Variants in THBD observed in about 807,000 individuals in gnomAD.
THBD encodes the protein thrombomodulin, also known as CD141 antigen.
For missense variants in THBD, 850 were observed against 816.9 expected, an observed-to-expected ratio of 1.04 and a Z score of -0.49; for synonymous variants, 449 against 374.2, an observed-to-expected ratio of 1.20 and a Z score of -2.31.
rs779296339 is a variant in THBD at position 23,048,650 on chromosome 20, C to A, written c.855G>T (p.Thr285=). 1.4e-5 allele frequency: 22 copies of A among 1,593,710 alleles called. No individual in the cohort carries two copies. Among genetic ancestry groups the A allele is most frequent in the Non-Finnish European group, 1.7e-5 (20 of 1,177,384 alleles). Residue 285 remains threonine, a synonymous_variant, in exon 1 of 1, where the codon ACG becomes ACT. Coordinates refer to ENST00000377103, the MANE Select transcript of THBD (RefSeq NM_000361.3). ...GCTCGCAGAGGTCGTTGCAGGACTG[C>A]GTCGCGGATGCGGTGCAGGAGCGCC... ...ADGRSCTASA[T]QSCNDLCEHF... is the part of the protein sequence containing the mutation.
chr20:23,047,767 C>A lies in THBD; in HGVS notation c.*10G>T. The A allele has an allele frequency of 2.5e-6, 4 of 1,571,722 alleles. No homozygotes were observed. The highest frequency in any genetic ancestry group is 3.4e-6 in the Non-Finnish European group (4 of 1,160,286). Reference sequence around the variant, plus strand: ...TCCTGGACGGAGCCAGGCTCCTGGACGGAGGCCGCTCAGAGTCTCTGCGGC... The same window carrying A: ...TCCTGGACGGAGCCAGGCTCCTGGAAGGAGGCCGCTCAGAGTCTCTGCGGC... On this transcript the variant is annotated 3_prime_UTR_variant, in exon 1 of 1. Transcript: ENST00000377103.
chr20:23,048,334 C>G lies in THBD; in HGVS notation c.1171G>C (p.Ala391Pro). ...TGGGGAATGGGCGCGAAGCCCTCGG[C>G]GCAGACGCAGAGGTAGCTAGTTTGG... ...LNQTSYLCVC[A>P]EGFAPIPHEP... The change falls in exon 1 of 1, where the codon GCC (alanine) becomes CCC (proline). Residue 391 changes from alanine (A) to proline (P), a missense_variant. Ala to Pro is a conservative substitution (Grantham distance 27). Transcript: ENST00000377103. 2.5e-6 allele frequency: 4 copies of G among 1,613,898 alleles called. No individual in the cohort carries two copies. Among genetic ancestry groups the G allele is most frequent in the Non-Finnish European group, 3.4e-6 (4 of 1,180,042 alleles).
At position 23,046,088 on chromosome 20, in the gene THBD, G is replaced by A. The variant is rs886056540; in HGVS notation, c.*1689C>T. On this transcript the variant is annotated 3_prime_UTR_variant, in exon 1 of 1. Transcript: ENST00000377103. ...TTATCTCCAATAAATAAATAACTAT[G>A]TACAAATATTTTGAGTTTACAAAAT... 6.6e-6 allele frequency: 1 copy of A among 152,384 alleles called. No individual in the cohort carries two copies. Among genetic ancestry groups the A allele is most frequent in the Non-Finnish European group, 1.5e-5 (1 of 68,034 alleles). The allele number at this position is 152,384 out of a possible 1,614,324, so 9.4% of individuals were successfully genotyped here.
Position 23,049,355 on chromosome 20 carries a change from C to A in THBD, c.150G>T (p.Gln50His). The change falls in exon 1 of 1, where the codon CAG becomes CAT. Residue 50 changes from glutamine to histidine, a missense_variant. By Grantham distance (24) the Gln-to-His change is conservative (BLOSUM62 0). Transcript: ENST00000377103. ...PGPATFLNAS[Q>H]ICDGLRGHLM... ...GGTGGCCCCGCAGTCCGTCGCAGAT[C>A]TGACTGGCATTGAGGAAGGTCGCGG... 1.2e-6 allele frequency: 2 copies of A among 1,606,068 alleles called. No individual in the cohort carries two copies. Among genetic ancestry groups the A allele is most frequent in the Non-Finnish European group, 1.7e-6 (2 of 1,177,288 alleles).
In THBD at chr20:23,048,566, G is replaced by A. The variant is rs575288551; in HGVS notation, c.939C>T (p.Gly313=). ...GGTGTTGGTCGGCCGCCAGCCGGTA[G>A]CCGGTCTCGCACATGCACGAGTAGG... ...PGSYSCMCET[G]YRLAADQHRC... is the part of the protein sequence containing the mutation. Residue 313 remains glycine, a synonymous_variant, in exon 1 of 1, where the codon GGC becomes GGT. Coordinates refer to ENST00000377103, the MANE Select transcript of THBD (RefSeq NM_000361.3). 6.2e-7 allele frequency: 1 copy of A among 1,600,596 alleles called. No homozygotes were observed. The highest frequency in any genetic ancestry group is 2.2e-5 in the East Asian group (1 of 44,850).
chr20:23,049,500 A>G lies in THBD; in HGVS notation c.5T>C (p.Leu2Pro), dbSNP rs2122673678. The G allele has an allele frequency of 6.5e-7, 1 of 1,535,372 alleles. No homozygotes were observed. Residue 2 changes from leucine to proline, a missense_variant, in exon 1 of 1, where the codon CTT (leucine) becomes CCT (proline). By Grantham distance (98) the Leu-to-Pro change is moderately conservative. Transcript: ENST00000377103. ...CAGCGCGCCAAGGACCAGGACCCCA[A>G]GCATGTTACCCAGGCGCGCCGCGTG... M[L>P]GVLVLGALAL...
chr20:23,047,427 T>C lies in THBD; in HGVS notation c.*350A>G, dbSNP rs760402735. 19 of 344,830 alleles carry C rather than the reference T, an allele frequency of 5.5e-5. No homozygotes were observed. Among genetic ancestry groups the C allele is most frequent in the Non-Finnish European group, 8.4e-5 (16 of 189,718 alleles). The allele number at this position is 344,830 out of a possible 1,614,324, so 21.4% of individuals were successfully genotyped here. On this transcript the variant is annotated 3_prime_UTR_variant, in exon 1 of 1. Coordinates refer to ENST00000377103, the MANE Select transcript of THBD (RefSeq NM_000361.3). ...AAATACTTAAAAAAAATAAATATTT[T>C]AGTCATCCCTAGCCCACGAGGTCAA...
rs760823569 is a variant in THBD at position 23,047,754 on chromosome 20, CCAGGCTCCTGGACGGAGG to C, written c.*5_*22del. Reference sequence around the variant, plus strand: ...AGGAGGCACAGGCTCCTGGACGGAGCCAGGCTCCTGGACGGAGGCCGCTCAGAGTCTCTGCGGCGTCCG... The same window carrying C: ...AGGAGGCACAGGCTCCTGGACGGAGCCCGCTCAGAGTCTCTGCGGCGTCCG... On this transcript the variant is annotated 3_prime_UTR_variant, in exon 1 of 1. Coordinates refer to ENST00000377103, the MANE Select transcript of THBD (RefSeq NM_000361.3). 14 of 1,548,132 alleles carry C rather than the reference CCAGGCTCCTGGACGGAGG, an allele frequency of 9.0e-6. No individual in the cohort carries two copies. Among genetic ancestry groups the C allele is most frequent in the Non-Finnish European group, 1.2e-5 (14 of 1,147,016 alleles).
Position 23,046,419 on chromosome 20 carries a change from C to G in THBD, c.*1358G>C, listed in dbSNP as rs1001935035. On this transcript the variant is annotated 3_prime_UTR_variant, in exon 1 of 1. Transcript: ENST00000377103. ...GTCCTCAAATTACTGAGCAGACACACCCCCTGCAGATCTTGTTAAATATAG... is the reference window on the plus strand; with the variant it reads ...GTCCTCAAATTACTGAGCAGACACAGCCCCTGCAGATCTTGTTAAATATAG... 1 of 152,194 alleles carries G rather than the reference C, an allele frequency of 6.6e-6. No homozygotes were observed. The highest frequency in any genetic ancestry group is 2.4e-5 in the African/African-American group (1 of 41,450). 9.4% of individuals were successfully genotyped at this position (152,194 alleles called of 1,614,324 possible). A position where few individuals can be genotyped will look rare whatever the true frequency, so the allele number is the denominator to read the frequency against.
rs13306849 is a variant in THBD at position 23,049,562 on chromosome 20, C to G, written c.-58G>C. The G allele has an allele frequency of 6.6e-3, 10,078 of 1,535,974 alleles. 357 individuals carry two copies. The African/African-American group carries it at 0.094, about 14-fold the overall frequency. ...GAAAGCGCGGGCACTGCGACAGGGC[C>G]GTGCCGGAGCAGAGGGGCACAGGAC... On this transcript the variant is annotated 5_prime_UTR_variant, in exon 1 of 1. Transcript: ENST00000377103.
rs1416168703 is a variant in THBD at position 23,047,712 on chromosome 20, T to C, written c.*65A>G. 5.3e-6 allele frequency: 8 copies of C among 1,515,360 alleles called. No homozygotes were observed. Among genetic ancestry groups the C allele is most frequent in the Non-Finnish European group, 7.1e-6 (8 of 1,129,304 alleles). The allele number at this position is 1,515,360 out of a possible 1,614,324, so 93.9% of individuals were successfully genotyped here. A position where few individuals can be genotyped will look rare whatever the true frequency, so the allele number is the denominator to read the frequency against. ...TGTAATGCCAGCTAAGGTGCTTTGG[T>C]AGCAAAGCTGGGGGTGAGGAGGCAC... On this transcript the variant is annotated 3_prime_UTR_variant, in exon 1 of 1. Coordinates refer to ENST00000377103, the MANE Select transcript of THBD (RefSeq NM_000361.3).
chr20:23,047,938 T>C lies in THBD; in HGVS notation c.1567A>G (p.Ile523Val). ...VHSGLLIGIS[I>V]ASLCLVVALL... ...GCCACCACCAGGCACAGGCTCGCGA[T>C]GGAGATGCCTATGAGCAAGCCCGAA... The change falls in exon 1 of 1, where the codon ATC becomes GTC. Residue 523 changes from isoleucine (I) to valine (V), a missense_variant. Coordinates refer to ENST00000377103, the MANE Select transcript of THBD (RefSeq NM_000361.3). 6.2e-7 allele frequency: 1 copy of C among 1,609,886 alleles called. No individual in the cohort carries two copies. The highest frequency in any genetic ancestry group is 8.5e-7 in the Non-Finnish European group (1 of 1,178,552).
Position 23,048,095 on chromosome 20 carries a change from C to G in THBD, c.1410G>C (p.Ser470=). 1.2e-6 allele frequency: 2 copies of G among 1,612,760 alleles called. No individual in the cohort carries two copies. Among genetic ancestry groups the G allele is most frequent in the Non-Finnish European group, 1.7e-6 (2 of 1,179,776 alleles). ...GTFECICGPD[S]ALARHIGTDC... ...CGGTGCCAATGTGGCGGGCAAGGGCCGAGTCGGGCCCGCAGATGCACTCGA... is the reference window on the plus strand; with the variant it reads ...CGGTGCCAATGTGGCGGGCAAGGGCGGAGTCGGGCCCGCAGATGCACTCGA... The change falls in exon 1 of 1, where the codon TCG becomes TCC. Residue 470 remains serine (S), a synonymous_variant. Coordinates refer to ENST00000377103, the MANE Select transcript of THBD (RefSeq NM_000361.3).
rs543047467 is a variant in THBD, at chr20:23,046,501, A to G, written c.*1276T>C. 6.6e-6 allele frequency: 1 copy of G among 152,324 alleles called. No individual in the cohort carries two copies. The highest frequency in any genetic ancestry group is 2.1e-4 in the South Asian group (1 of 4,828). 9.4% of individuals were successfully genotyped at this position (152,324 alleles called of 1,614,324 possible). ...GATTCTGCATTTCTAACCAGCTCCCATGGGCAGGGCAGCTTCCAATTCTTG... is the reference window on the plus strand; with the variant it reads ...GATTCTGCATTTCTAACCAGCTCCCGTGGGCAGGGCAGCTTCCAATTCTTG... On this transcript the variant is annotated 3_prime_UTR_variant, in exon 1 of 1. Coordinates refer to ENST00000377103, the MANE Select transcript of THBD (RefSeq NM_000361.3).
In THBD at chr20:23,049,084, A is replaced by G; in HGVS notation, c.421T>C (p.Ser141Pro). 1 of 1,580,610 alleles carries G rather than the reference A, an allele frequency of 6.3e-7. No individual in the cohort carries two copies. Among genetic ancestry groups the G allele is most frequent in the Non-Finnish European group, 8.6e-7 (1 of 1,165,424 alleles). ...PLCGPLCVAV[S>P]AAEATVPSEP... is the part of the protein sequence containing the mutation. ...CTGGGCACAGTGGCCTCAGCAGCGG[A>G]GACAGCGACGCACAACGGGCCGCAG... The change falls in exon 1 of 1, where the codon TCC (serine) becomes CCC (proline). Residue 141 changes from serine to proline, a missense_variant. By Grantham distance (74) the Ser-to-Pro change is moderately conservative (BLOSUM62 -1). Coordinates refer to ENST00000377103, the MANE Select transcript of THBD (RefSeq NM_000361.3).
At position 23,048,026 on chromosome 20, in the gene THBD, G is replaced by A. The variant is rs758080371; in HGVS notation, c.1479C>T (p.Gly493=). 19 of 1,609,946 alleles carry A rather than the reference G, an allele frequency of 1.2e-5. No homozygotes were observed. Among genetic ancestry groups the A allele is most frequent in the Admixed American group, 3.4e-5 (2 of 59,602 alleles). ...GKVDGGDSGS[G]EPPPSPTPGS... Reference sequence around the variant, plus strand: ...CGGGCGTCGGGCTGGGCGGGGGCTCGCCAGAGCCGCTGTCGCCACCGTCCA... The same window carrying A: ...CGGGCGTCGGGCTGGGCGGGGGCTCACCAGAGCCGCTGTCGCCACCGTCCA... The change falls in exon 1 of 1, where the codon GGC becomes GGT. Residue 493 remains glycine (G), a synonymous_variant. Coordinates refer to ENST00000377103, the MANE Select transcript of THBD (RefSeq NM_000361.3).
In THBD at chr20:23,049,582, C is replaced by T. The variant is rs1302008862; in HGVS notation, c.-78G>A. ...AGGGCCGTGCCGGAGCAGAGGGGCA[C>T]AGGACGCCGATGGCGACAGCCTCTC... On this transcript the variant is annotated 5_prime_UTR_variant, in exon 1 of 1. In the 5' UTR this introduces an upstream ATG that the reference lacks. Transcript: ENST00000377103. 6.5e-7 allele frequency: 1 copy of T among 1,527,644 alleles called. No homozygotes were observed. Among genetic ancestry groups the T allele is most frequent in the African/African-American group, 1.4e-5 (1 of 72,300 alleles). The allele number at this position is 1,527,644 out of a possible 1,614,324, so 94.6% of individuals were successfully genotyped here.
chr20:23,047,702 G>C lies in THBD; in HGVS notation c.*75C>G. 1 of 1,496,332 alleles carries C rather than the reference G, an allele frequency of 6.7e-7. No individual in the cohort carries two copies. Among genetic ancestry groups the C allele is most frequent in the Non-Finnish European group, 9.0e-7 (1 of 1,114,776 alleles). The allele number at this position is 1,496,332 out of a possible 1,614,324, so 92.7% of individuals were successfully genotyped here. A position where few individuals can be genotyped will look rare whatever the true frequency, so the allele number is the denominator to read the frequency against. ...CTTCTCCAGCTGTAATGCCAGCTAA[G>C]GTGCTTTGGTAGCAAAGCTGGGGGT... On this transcript the variant is annotated 3_prime_UTR_variant, in exon 1 of 1. Transcript: ENST00000377103.
In THBD at chr20:23,048,518, G is replaced by T; in HGVS notation, c.987C>A (p.Cys329Ter). The change falls in exon 1 of 1, where the codon TGC becomes TGA. Residue 329 changes from cysteine to a stop codon, truncating the protein, a stop_gained. Coordinates refer to ENST00000377103, the MANE Select transcript of THBD (RefSeq NM_000361.3). LOFTEE classifies it low-confidence loss of function (END_TRUNC). The part of the protein sequence containing the change: ...DQHRCEDVDD[C>*]ILEPSPCPQR... ...GCGGACACGGACTGGGCTCCAGTAT[G>T]CAGTCATCCACGTCCTCGCACCGGT... The T allele has an allele frequency of 6.2e-7, 1 of 1,605,206 alleles. No homozygotes were observed. Among genetic ancestry groups the T allele is most frequent in the Non-Finnish European group, 8.5e-7 (1 of 1,179,978 alleles).
Sources: gnomAD v4.1 joint callset for allele counts on GRCh38, gnomAD v4.1.1 for gene constraint, MANE v1.5 for transcripts, NCBI Gene and HGNC (gene_info 2026-07-23, HGNC 2026-07-21) for gene names.